CCDC172: variants seen among roughly 807,000 people sequenced by gnomAD.
The protein encoded by CCDC172 is coiled-coil domain containing 172, also known as coiled-coil domain-containing protein 172.
In CCDC172, 30 loss-of-function variants were observed where a neutral mutation model predicts 38.0. The observed-to-expected ratio is 0.79, with a 90% CI of 0.59 to 1.07. The LOEUF is 1.07. Ranked by LOEUF, CCDC172 falls within the 50% of genes least tolerant of loss-of-function variation. The pLI, the probability that CCDC172 is intolerant of heterozygous loss-of-function variation, is 0.00. For missense variants in CCDC172, 297 were observed against 290.1 expected (o/e 1.02, Z -0.17); for synonymous variants, 78 against 88.3 (o/e 0.88, Z 0.66).
At chr10:116,375,071 T>A (rs191577626) in intron 7 of CCDC172, among the ~76,000 whole-genome samples, 72 of 152,308 alleles carry the variant, frequency 4.7e-4, no homozygotes, top group Non-Finnish European at 7.2e-4. Context: ...TGAAATTTAA[T>A]ACCATTTCCT....
intron 5 of CCDC172, among the ~76,000 whole-genome samples, chr10:116,356,210 AT>A (rs922051940): frequency 1.3e-5 from 2 of 151,966 alleles, no homozygotes; most frequent in African/African-American, 4.8e-5. Context: ...AGCACCTGTA[AT>A]CGCAGCTGCT....
chr10:116,370,384 A>G (rs1378223275), intron 7 of CCDC172, among the ~76,000 whole-genome samples: 1 of 151,960 alleles, frequency 6.6e-6, no homozygotes, highest in African/African-American at 2.4e-5. Context: ...GCTGTATAAT[A>G]TAGATCCAAC....
chr10:116,365,830 A>G (rs1845116509), intron 7 of CCDC172, among the ~76,000 whole-genome samples: 1 of 152,146 alleles, frequency 6.6e-6, no homozygotes, highest in Non-Finnish European at 1.5e-5. Flanking sequence ...ATACACACAT[A>G]CTTACCATTG....
At chr10:116,340,992 A>T in intron 4 of CCDC172, 142 bp downstream of exon 4, 2 of 638,778 alleles carry the variant, frequency 3.1e-6, no homozygotes, top group South Asian at 3.6e-5. Flanking sequence ...ATTAAGTGCT[A>T]TTTAAAACCA....
chr10:116,352,118 T>C (rs889951248), intron 5 of CCDC172, among the ~76,000 whole-genome samples: 2 of 152,188 alleles, frequency 1.3e-5, no homozygotes, highest in Admixed American at 6.5e-5. Context: ...CTTGTCACAA[T>C]AGAAATATTT....
At chr10:116,348,407 A>G (rs928517133) in intron 5 of CCDC172, among the ~76,000 whole-genome samples, 1 of 152,106 alleles carries the variant, frequency 6.6e-6, no homozygotes, top group African/African-American at 2.4e-5. Context: ...CTTTTAGCCC[A>G]TAACTATGAT....
chr10:116,339,034 A>G (rs1279034501), intron 3 of CCDC172, among the ~76,000 whole-genome samples: 1 of 151,876 alleles, frequency 6.6e-6, no homozygotes, highest in African/African-American at 2.4e-5. Flanking sequence ...CACAGCAGTA[A>G]CTCAGAGTTA....
At chr10:116,326,986 A>G (rs931763028) in intron 3 of CCDC172, among the ~76,000 whole-genome samples, 1 of 152,200 alleles carries the variant, frequency 6.6e-6, no homozygotes, top group African/African-American at 2.4e-5. Flanking sequence ...CTTTCTCTTG[A>G]AAAGGAATTA....
intron 3 of CCDC172, among the ~76,000 whole-genome samples, chr10:116,331,052 C>T (rs1236483989): frequency 6.6e-6 from 1 of 152,112 alleles, no homozygotes; most frequent in Non-Finnish European, 1.5e-5. Flanking sequence ...AGCTGTCTTC[C>T]ATTAAGCCAG....
rs912633419 is a variant in CCDC172, at chr10:116,359,500, G to T, written c.653+1562G>T. On this transcript the variant is annotated intron_variant, in intron 7 of 8. Transcript: ENST00000333254. ...ATTTTAGACCAGATTATTCTTTGTTGTCGGGGGCTGTTCAATGCATTGTGA... is the reference window on the plus strand; with the variant it reads ...ATTTTAGACCAGATTATTCTTTGTTTTCGGGGGCTGTTCAATGCATTGTGA... 3.3e-5 allele frequency among the ~76,000 whole-genome samples: 5 copies of T among 152,020 alleles called. No homozygotes were observed. The South Asian group carries it at 8.3e-4, about 25-fold the overall frequency.
At chr10:116,326,638 G>A (rs1844596598) in intron 3 of CCDC172, among the ~76,000 whole-genome samples, 1 of 151,930 alleles carries the variant, frequency 6.6e-6, no homozygotes, top group South Asian at 2.1e-4. Flanking sequence ...AGACATCTTG[G>A]TAAAATTTTA....
intron 5 of CCDC172, among the ~76,000 whole-genome samples, chr10:116,352,775 G>GAA (rs796349911): frequency 7.2e-6 from 1 of 137,982 alleles, no homozygotes; most frequent in African/African-American, 2.7e-5. Context: ...GAGCAATTAG[G>GAA]AAAAAAAAAA....
In CCDC172 at chr10:116,357,856, G is replaced by C. The variant is rs576669942; in HGVS notation, c.571G>C (p.Glu191Gln). 2.1e-5 allele frequency: 32 copies of C among 1,515,824 alleles called. No individual in the cohort carries two copies. The highest frequency in any genetic ancestry group is 8.9e-5 in the Admixed American group (4 of 44,944). The allele number at this position is 1,515,824 out of a possible 1,614,324, so 93.9% of individuals were successfully genotyped here. ...KLKVFEDEEN[E>Q]SICTTKYLEA... ...TTTAGTTTTTGAAGATGAAGAGAAT[G>C]AATCCATTTGTACTACCAAATATCT... Residue 191 changes from glutamate (E) to glutamine (Q), a missense_variant, in exon 7 of 9, where the codon GAA becomes CAA. Coordinates refer to ENST00000333254, the MANE Select transcript of CCDC172 (RefSeq NM_198515.3).
At position 116,366,411 on chromosome 10, in the gene CCDC172, C is replaced by T. The variant is rs530429042; in HGVS notation, c.653+8473C>T. On this transcript the variant is annotated intron_variant, in intron 7 of 8. Coordinates refer to ENST00000333254, the MANE Select transcript of CCDC172 (RefSeq NM_198515.3). ...GTATTATATAACTAACTTTAGTTTA[C>T]AGCATGCATTTATCATCTAACCTAT... 5.3e-5 allele frequency among the ~76,000 whole-genome samples: 8 copies of T among 152,200 alleles called. No individual in the cohort carries two copies. The East Asian group carries it at 1.2e-3, about 22-fold the overall frequency.
chr10:116,369,848 T>C (rs924093346), intron 7 of CCDC172, among the ~76,000 whole-genome samples: 27 of 152,106 alleles, frequency 1.8e-4, no homozygotes, highest in East Asian at 1.3e-3. Flanking sequence ...AATTTTTTTT[T>C]CCCATAATCT....
intron 3 of CCDC172, among the ~76,000 whole-genome samples, chr10:116,326,759 T>C (rs1337906511): frequency 2.0e-5 from 3 of 152,236 alleles, no homozygotes. Context: ...CTGCCTGTTA[T>C]CTAACAGTAT....
chr10:116,334,359 GTTTA>G (rs1198095662), intron 3 of CCDC172, among the ~76,000 whole-genome samples: 2 of 152,252 alleles, frequency 1.3e-5, no homozygotes, highest in South Asian at 4.1e-4. Context: ...TAAAAGTAGT[GTTTA>G]TTTATTGCAA....
At chr10:116,373,799 T>C (rs574257346) in intron 7 of CCDC172, among the ~76,000 whole-genome samples, 1 of 152,226 alleles carries the variant, frequency 6.6e-6, no homozygotes, top group South Asian at 2.1e-4. Flanking sequence ...GCCACTGTGG[T>C]CTGGCCAAGT....
At chr10:116,332,132 C>T (rs1370364084) in intron 3 of CCDC172, among the ~76,000 whole-genome samples, 1 of 152,134 alleles carries the variant, frequency 6.6e-6, no homozygotes. Flanking sequence ...ATGCCTGTAT[C>T]CTTTCTGAAA....
Sources: allele counts gnomAD v4.1 joint callset (sites outside exome capture counted in the v4.1 genomes callset), GRCh38; gene constraint gnomAD v4.1.1; transcripts MANE v1.5; gene names NCBI Gene and HGNC (gene_info 2026-07-23, HGNC 2026-07-21).